The following ABCC3 variants were observed in gnomAD, a reference collection of about 807,000 sequenced individuals.
ABCC3 encodes the protein ATP-binding cassette sub-family C member 3.
Under a neutral mutation model 165.3 loss-of-function variants are expected in ABCC3, and 121 were observed. That is an observed-to-expected ratio of 0.73 (90% CI 0.63 to 0.85). The LOEUF is 0.85. Among genes scored for constraint, ABCC3 ranks in the 40% least tolerant of loss-of-function variants. The pLI is 0.00. For missense variants in ABCC3, 1,869 were observed against 1,964.1 expected (o/e 0.95, Z 0.92); for synonymous variants, 733 against 810.1 (o/e 0.90, Z 1.62).
intron 19 of ABCC3, chr17:50,674,297 C>G (rs1482360385): frequency 1.3e-5 from 2 of 151,628 alleles, no homozygotes; most frequent in African/African-American, 4.9e-5. Flanking sequence ...GATCTCTTGA[C>G]CTCGTGATCT....
At position 50,664,046 on chromosome 17, in the gene ABCC3, C is replaced by G; in HGVS notation, c.1273C>G (p.Pro425Ala). The G allele has an allele frequency of 6.2e-7, 1 of 1,614,198 alleles. No homozygotes were observed. The highest frequency in any genetic ancestry group is 8.5e-7 in the Non-Finnish European group (1 of 1,180,036). ...TGCCCAGCGCTTCATGGACCTTGCC[C>G]CCTTCCTCAATCTGCTGTGGTCAGC... ...VDAQRFMDLA[P>A]FLNLLWSAPL... is the part of the protein sequence containing the mutation. The change falls in exon 10 of 31, where the codon CCC becomes GCC. Residue 425 changes from proline (P) to alanine (A), a missense_variant. By Grantham distance (27) the Pro-to-Ala change is conservative. Transcript: ENST00000285238.
intron 1 of ABCC3, among the ~76,000 whole-genome samples, chr17:50,640,042 G>A (rs1344409709): frequency 6.6e-6 from 1 of 152,150 alleles, no homozygotes; most frequent in Non-Finnish European, 1.5e-5. Flanking sequence ...GGGATTACAG[G>A]CGTGAGCCAC....
Position 50,677,745 on chromosome 17 carries a change from G to T in ABCC3, c.3380G>T (p.Arg1127Leu). 1 of 1,613,738 alleles carries T rather than the reference G, an allele frequency of 6.2e-7. No individual in the cohort carries two copies. The highest frequency in any genetic ancestry group is 2.2e-5 in the East Asian group (1 of 44,876). The part of the protein sequence containing the change: ...PLAVLYTLVQ[R>L]FYAATSRQLK... ...CCAAACTCCTTCTCCCTCCATCAGCGCTTCTATGCAGCCACATCACGGCAA... is the reference window on the plus strand; with the variant it reads ...CCAAACTCCTTCTCCCTCCATCAGCTCTTCTATGCAGCCACATCACGGCAA... The change falls in exon 24 of 31, where the codon CGC becomes CTC. Residue 1127 changes from arginine (R) to leucine (L), a missense_variant and splice_region_variant. Coordinates refer to ENST00000285238, the MANE Select transcript of ABCC3 (RefSeq NM_003786.4).
chr17:50,641,286 G>A (rs1474376081), intron 1 of ABCC3, among the ~76,000 whole-genome samples: 2 of 152,208 alleles, frequency 1.3e-5, no homozygotes, highest in Admixed American at 6.5e-5. Context: ...AAACTGTGTG[G>A]GTGATGGTGG....
chr17:50,682,491 C>T (rs1967946483), intron 26 of ABCC3, among the ~76,000 whole-genome samples: 2 of 151,990 alleles, frequency 1.3e-5, no homozygotes, highest in South Asian at 4.1e-4. Context: ...ATTACCTCAG[C>T]CTCTTACCTC....
chr17:50,687,810 T>C, intron 30 of ABCC3, 80 bp downstream of exon 30: 1 of 1,412,144 alleles, frequency 7.1e-7, no homozygotes. Flanking sequence ...AGATTAGGGT[T>C]ATCTGAACAA....
At chr17:50,660,800 G>A in intron 7 of ABCC3, 123 bp from the exon 8 acceptor site, 1 of 641,014 alleles carries the variant, frequency 1.6e-6, no homozygotes, top group Non-Finnish European at 2.5e-6. Context: ...TCCCCTCCCA[G>A]CTCTGAGAGC....
intron 1 of ABCC3, among the ~76,000 whole-genome samples, chr17:50,643,827 G>A (rs1597838491): frequency 6.6e-6 from 1 of 151,580 alleles, no homozygotes; most frequent in East Asian, 1.9e-4. Context: ...AATGGGAAAG[G>A]AGGTGGGAGG....
At chr17:50,668,832 T>TGCC in intron 14 of ABCC3, 21 bp from the exon 15 acceptor site, 1 of 1,608,298 alleles carries the variant, frequency 6.2e-7, no homozygotes. Flanking sequence ...TCCCTGACCC[T>TGCC]GCCCACCTTG....
intron 1 of ABCC3, among the ~76,000 whole-genome samples, chr17:50,637,581 C>T (rs1030924625): frequency 6.6e-6 from 1 of 152,218 alleles, no homozygotes; most frequent in African/African-American, 2.4e-5. Context: ...GTGGGGTGTT[C>T]AGGCCCCTCT....
Position 50,661,010 on chromosome 17 carries a change from C to G in ABCC3, c.894C>G (p.Ser298=). Residue 298 remains serine, a synonymous_variant, in exon 8 of 31, where the codon TCC becomes TCG. Transcript: ENST00000285238. ...LGARPRPRKP[S]FLKALLATFG... ...CCCGGCCCAGGCCCCGGAAGCCCTC[C>G]TTCCTGAAGGCCCTGCTGGCCACCT... The G allele has an allele frequency of 1.9e-6, 3 of 1,614,140 alleles. No homozygotes were observed. The highest frequency in any genetic ancestry group is 2.5e-6 in the Non-Finnish European group (3 of 1,180,010).
intron 6 of ABCC3, 56 bp downstream of exon 6, chr17:50,658,552 A>C: frequency 1.3e-6 from 2 of 1,567,514 alleles, no homozygotes; most frequent in Non-Finnish European, 1.8e-6. Flanking sequence ...GGAAGGTGAG[A>C]TGGAGAAAGG....
intron 1 of ABCC3, among the ~76,000 whole-genome samples, chr17:50,647,002 C>T (rs1467885864): frequency 6.6e-6 from 1 of 152,214 alleles, no homozygotes; most frequent in East Asian, 1.9e-4. Context: ...CCTCAGCCTC[C>T]CGAGTAGCTG....
At chr17:50,690,947 A>C in intron 30 of ABCC3, 145 bp from the exon 31 acceptor site, 1 of 608,012 alleles carries the variant, frequency 1.6e-6, no homozygotes, top group South Asian at 2.0e-5. Flanking sequence ...CCAGCCTTGC[A>C]AGTGTGCACA....
intron 1 of ABCC3, among the ~76,000 whole-genome samples, chr17:50,653,818 A>G (rs1967165833): frequency 6.6e-6 from 1 of 152,112 alleles, no homozygotes; most frequent in African/African-American, 2.4e-5. Flanking sequence ...CCATGTGGTC[A>G]AGTAGTACTT....
intron 1 of ABCC3, among the ~76,000 whole-genome samples, chr17:50,648,818 G>A (rs568800839): frequency 1.2e-4 from 19 of 152,192 alleles, no homozygotes; most frequent in Admixed American, 2.6e-4. Context: ...CAGCCAAGCC[G>A]CAAGAATCAC....
In ABCC3 at chr17:50,657,046, C is replaced by G; in HGVS notation, c.349C>G (p.Leu117Val). ...GGGCCTCCCTGCCCTCCCTGCACAG[C>G]TGCTGGCCACCCTGCTGATACAGTA... ...VTPLVVGVTMLLATLLIQYER... is the reference protein window; with the variant it reads ...VTPLVVGVTMVLATLLIQYER... The change falls in exon 4 of 31, where the codon CTG becomes GTG. Residue 117 changes from leucine (L) to valine (V), a missense_variant and splice_region_variant. Coordinates refer to ENST00000285238, the MANE Select transcript of ABCC3 (RefSeq NM_003786.4). The G allele has an allele frequency of 6.2e-7, 1 of 1,613,058 alleles. No homozygotes were observed. Among genetic ancestry groups the G allele is most frequent in the Non-Finnish European group, 8.5e-7 (1 of 1,179,474 alleles).
At chr17:50,669,663 G>A in intron 17 of ABCC3, 135 bp downstream of exon 17, 1 of 897,792 alleles carries the variant, frequency 1.1e-6, no homozygotes, top group Non-Finnish European at 1.7e-6. Context: ...AGGCACTGGG[G>A]AAACAGATCT....
At chr17:50,643,410 A>C (rs1434635290) in intron 1 of ABCC3, 2 of 396,352 alleles carry the variant, frequency 5.0e-6, no homozygotes. Flanking sequence ...TGAATACTGA[A>C]TACTGAATAG....
Sources: allele counts gnomAD v4.1 joint callset (sites outside exome capture counted in the v4.1 genomes callset), GRCh38; gene constraint gnomAD v4.1.1; transcripts MANE v1.5; gene names NCBI Gene and HGNC (gene_info 2026-07-23, HGNC 2026-07-21).